BMPR1B: variants seen among roughly 807,000 people sequenced by gnomAD.
The protein encoded by BMPR1B is bone morphogenetic protein receptor type 1B, also known as bone morphogenetic protein receptor type-1B.
A neutral mutation model predicts 59.1 loss-of-function variants in BMPR1B; 12 were observed. That is an observed-to-expected ratio of 0.20 (90% CI 0.13 to 0.33). The LOEUF (loss-of-function observed/expected upper bound fraction) is 0.33, where lower values mean the gene tolerates loss of function less well. Ranked by LOEUF, BMPR1B falls within the 10% of genes least tolerant of loss-of-function variation. The pLI is 1.00. For synonymous variants in BMPR1B, 237 were observed against 207.3 expected, an observed-to-expected ratio of 1.14 and a Z score of -1.23; for missense variants, 550 against 610.9, an observed-to-expected ratio of 0.90 and a Z score of 1.05.
At chr4:94,986,303 A>G (rs1241579530) in intron 2 of BMPR1B, among the ~76,000 whole-genome samples, 2 of 152,186 alleles carry the variant, frequency 1.3e-5, no homozygotes, top group African/African-American at 4.8e-5. Context: ...TGCTCAGTCT[A>G]GGACTCATAC....
chr4:94,857,955 T>A (rs1725827261), intron 1 of BMPR1B, among the ~76,000 whole-genome samples: 1 of 152,242 alleles, frequency 6.6e-6, no homozygotes, highest in African/African-American at 2.4e-5. Context: ...TTTATTTTTT[T>A]ATTTTTTTGA....
chr4:95,157,627 A>AAT lies in BMPR1B; in HGVS notation c.*2961_*2962dup, dbSNP rs1269268966. On this transcript the variant is annotated 3_prime_UTR_variant, in exon 13 of 13. Transcript: ENST00000515059. ...GTTTATGTATGTGTGTATATATATA[A>AAT]ATATATATGTATATATAAATATTAT... is the stretch of plus-strand genomic sequence containing the variant. 6.6e-6 allele frequency: 1 copy of AAT among 151,138 alleles called. No individual in the cohort carries two copies. Among genetic ancestry groups the AAT allele is most frequent in the Non-Finnish European group, 1.5e-5 (1 of 67,782 alleles). The allele number at this position is 151,138 out of a possible 1,614,324, so 9.4% of individuals were successfully genotyped here. A position where few individuals can be genotyped will look rare whatever the true frequency, so the allele number is the denominator to read the frequency against.
At chr4:94,980,456 T>C (rs1225663171) in intron 2 of BMPR1B, among the ~76,000 whole-genome samples, 1 of 151,656 alleles carries the variant, frequency 6.6e-6, no homozygotes, top group Non-Finnish European at 1.5e-5. Context: ...AGAAAAAAAA[T>C]TGATTCCCAG....
intron 3 of BMPR1B, among the ~76,000 whole-genome samples, chr4:95,012,940 A>G (rs1723325877): frequency 6.6e-6 from 1 of 152,188 alleles, no homozygotes; most frequent in South Asian, 2.1e-4. Flanking sequence ...GTGCCTATCC[A>G]AAATAAGGAA....
intron 1 of BMPR1B, among the ~76,000 whole-genome samples, chr4:94,760,703 G>C (rs1721729330): frequency 6.6e-6 from 1 of 152,124 alleles, no homozygotes; most frequent in South Asian, 2.1e-4. Flanking sequence ...GCGCTTCCTT[G>C]TTGGACTGTT....
chr4:94,973,477 A>G (rs1730892682), intron 2 of BMPR1B, among the ~76,000 whole-genome samples: 1 of 152,210 alleles, frequency 6.6e-6, no homozygotes. Context: ...ATCTCCTGCC[A>G]GATTTTTCTC....
At chr4:94,874,774 T>C (rs1726649714) in intron 1 of BMPR1B, among the ~76,000 whole-genome samples, 1 of 151,874 alleles carries the variant, frequency 6.6e-6, no homozygotes, top group Non-Finnish European at 1.5e-5. Flanking sequence ...GGTAGATCAC[T>C]TGAGGTCAGG....
chr4:94,878,862 C>T (rs927749098), intron 2 of BMPR1B, among the ~76,000 whole-genome samples: 2 of 151,154 alleles, frequency 1.3e-5, no homozygotes, highest in African/African-American at 4.9e-5. Flanking sequence ...TTTGTGTGAC[C>T]TCCTTATGTA....
chr4:95,103,966 T>G (rs1276998026), intron 3 of BMPR1B, among the ~76,000 whole-genome samples: 1 of 152,134 alleles, frequency 6.6e-6, no homozygotes, highest in Non-Finnish European at 1.5e-5. Context: ...ATAGACAGTT[T>G]TAAAGCTGAA....
intron 2 of BMPR1B, among the ~76,000 whole-genome samples, chr4:94,930,211 A>G (rs957636757): frequency 6.6e-6 from 1 of 152,090 alleles, no homozygotes; most frequent in African/African-American, 2.4e-5. Context: ...AAATTCCTAA[A>G]TGGATTCTCA....
chr4:95,123,206 T>G (rs1185770972), intron 6 of BMPR1B, among the ~76,000 whole-genome samples: 1 of 152,170 alleles, frequency 6.6e-6, no homozygotes, highest in East Asian at 1.9e-4. Flanking sequence ...GGCTGGAACA[T>G]ATACATTCTT....
At chr4:94,918,616 C>T (rs1175710380) in intron 2 of BMPR1B, among the ~76,000 whole-genome samples, 1 of 151,902 alleles carries the variant, frequency 6.6e-6, no homozygotes, top group Non-Finnish European at 1.5e-5. Flanking sequence ...TTTGAGGCTG[C>T]AGTGAGCTGT....
intron 1 of BMPR1B, among the ~76,000 whole-genome samples, chr4:94,865,948 G>A (rs17022388): frequency 0.038 from 5,740 of 152,026 alleles, 357 homozygotes; most frequent in African/African-American, 0.13. Flanking sequence ...TAATTTTAGA[G>A]TATACTACTT....
intron 2 of BMPR1B, among the ~76,000 whole-genome samples, chr4:94,994,891 G>A (rs1365274671): frequency 6.6e-6 from 1 of 152,128 alleles, no homozygotes; most frequent in Non-Finnish European, 1.5e-5. Flanking sequence ...AAGGTTTCTA[G>A]TTTTGGCTCT....
At chr4:94,770,179 TGTG>T (rs1722119961) in intron 1 of BMPR1B, among the ~76,000 whole-genome samples, 2 of 58,948 alleles carry the variant, frequency 3.4e-5, no homozygotes, top group African/African-American at 8.4e-5. Flanking sequence ...CCTTCGTTTC[TGTG>T]TTTGTTTTTT....
chr4:95,061,217 C>T (rs945166024), intron 3 of BMPR1B, among the ~76,000 whole-genome samples: 1 of 148,244 alleles, frequency 6.7e-6, no homozygotes, highest in Non-Finnish European at 1.5e-5. Context: ...ACACCACACA[C>T]CCCTCCATTG....
chr4:95,018,671 T>A (rs185846302), intron 3 of BMPR1B, among the ~76,000 whole-genome samples: 1 of 152,286 alleles, frequency 6.6e-6, no homozygotes, highest in Admixed American at 6.5e-5. Flanking sequence ...ATTTTTGGAA[T>A]TATTATTTCA....
intron 3 of BMPR1B, 108 bp from the exon 4 acceptor site, chr4:95,104,300 A>C: frequency 7.9e-7 from 1 of 1,272,856 alleles, no homozygotes. Flanking sequence ...TAAATCTTTA[A>C]GTATCTTGAA....
chr4:95,113,702 A>G (rs1009320566), intron 4 of BMPR1B, among the ~76,000 whole-genome samples: 1 of 152,140 alleles, frequency 6.6e-6, no homozygotes, highest in Non-Finnish European at 1.5e-5. Flanking sequence ...TCTGTTTACA[A>G]ACAGTTCTGT....
Sources: allele counts gnomAD v4.1 joint callset (sites outside exome capture counted in the v4.1 genomes callset), GRCh38; gene constraint gnomAD v4.1.1; transcripts MANE v1.5; gene names NCBI Gene and HGNC (gene_info 2026-07-23, HGNC 2026-07-21).